Variants in PLXDC2 observed in about 807,000 individuals in gnomAD.
PLXDC2 encodes the protein plexin domain-containing protein 2.
In PLXDC2, 40 loss-of-function variants were observed where a neutral mutation model predicts 68.9. That is an observed-to-expected ratio of 0.58 (90% CI 0.45 to 0.76). The LOEUF (loss-of-function observed/expected upper bound fraction) is 0.76. Among genes scored for constraint, PLXDC2 ranks in the 30% least tolerant of loss-of-function variants. PLXDC2 has a pLI of 0.00. For missense variants in PLXDC2, 644 were observed against 661.9 expected, an observed-to-expected ratio of 0.97 and a Z score of 0.30; for synonymous variants, 243 against 234.2, an observed-to-expected ratio of 1.04 and a Z score of -0.34.
In PLXDC2 at chr10:20,284,330, T is replaced by TATATATATATATATATATATATATACAC. The variant is rs1484131963; in HGVS notation, c.*4512_*4513insTATATATATATATATATATATATACACA. 520 of 125,820 alleles carry TATATATATATATATATATATATATACAC rather than the reference T, an allele frequency of 4.1e-3. 1 individual carries two copies. The highest frequency in any genetic ancestry group is 6.5e-3 in the Non-Finnish European group (387 of 59,230). 7.8% of individuals were successfully genotyped at this position (125,820 alleles called of 1,614,324 possible). On this transcript the variant is annotated 3_prime_UTR_variant, in exon 14 of 14. Transcript: ENST00000377252. ...AAATATACATATATATATATATATA[T>TATATATATATATATATATATATATACAC]ACACACACACACACACACACACAAA...
chr10:20,066,793 A>G (rs1214296586), intron 3 of PLXDC2, among the ~76,000 whole-genome samples: 1 of 152,336 alleles, frequency 6.6e-6, no homozygotes, highest in South Asian at 2.1e-4. Flanking sequence ...CAAAATGGGA[A>G]AAAGCTAAAT....
intron 10 of PLXDC2, 65 bp downstream of exon 10, chr10:20,211,794 T>G (rs1396342000): frequency 1.2e-5 from 17 of 1,449,034 alleles, no homozygotes; most frequent in Non-Finnish European, 1.6e-5. Flanking sequence ...TTTTAACTGT[T>G]AATAATTTTT....
At chr10:19,899,466 A>G (rs73601633) in intron 1 of PLXDC2, among the ~76,000 whole-genome samples, 13,122 of 152,244 alleles carry the variant, frequency 0.086, 648 homozygotes, top group Non-Finnish European at 0.12. Flanking sequence ...TTAAGACATC[A>G]TTTCTACAAA....
At chr10:20,103,301 T>G (rs772260790) in intron 4 of PLXDC2, among the ~76,000 whole-genome samples, 1 of 152,164 alleles carries the variant, frequency 6.6e-6, no homozygotes, top group East Asian at 1.9e-4. Flanking sequence ...TCATATAATT[T>G]TTAATACTGT....
intron 3 of PLXDC2, among the ~76,000 whole-genome samples, chr10:20,060,218 G>A (rs375368686): frequency 2.6e-5 from 4 of 151,882 alleles, no homozygotes; most frequent in African/African-American, 7.3e-5. Flanking sequence ...TGTAGAGACA[G>A]GGTCTTGCTA....
chr10:20,073,055 A>G (rs532722888), intron 4 of PLXDC2, among the ~76,000 whole-genome samples: 4 of 152,332 alleles, frequency 2.6e-5, no homozygotes, highest in Non-Finnish European at 4.4e-5. Context: ...GCCATTCTAA[A>G]TAGACCTGGG....
chr10:19,996,882 T>C (rs1235926326), intron 1 of PLXDC2, among the ~76,000 whole-genome samples: 2 of 152,078 alleles, frequency 1.3e-5, no homozygotes, highest in African/African-American at 4.8e-5. Flanking sequence ...TCAGATCTCA[T>C]GGGACTTATT....
intron 13 of PLXDC2, 31 bp downstream of exon 13, chr10:20,245,536 C>T (rs778208493): frequency 1.1e-4 from 180 of 1,591,514 alleles, no homozygotes; most frequent in Admixed American, 2.4e-4. Flanking sequence ...ATGAAAACCA[C>T]GCCAGTTGAT....
rs11011934 is a variant in PLXDC2, at chr10:20,289,721, T to A, written c.*9902T>A. On this transcript the variant is annotated 3_prime_UTR_variant, in exon 14 of 14. Transcript: ENST00000377252. ...TGACTGGAGCTGTCGGGAATTCCTGTCAGTGGCATTCCCTGAGCACTGGCT... is the reference window on the plus strand; with the variant it reads ...TGACTGGAGCTGTCGGGAATTCCTGACAGTGGCATTCCCTGAGCACTGGCT... 6.6e-6 allele frequency: 1 copy of A among 152,386 alleles called. No homozygotes were observed. Among genetic ancestry groups the A allele is most frequent in the East Asian group, 1.9e-4 (1 of 5,186 alleles). The allele number at this position is 152,386 out of a possible 1,614,324, so 9.4% of individuals were successfully genotyped here.
At chr10:19,909,324 C>G (rs1048157150) in intron 1 of PLXDC2, among the ~76,000 whole-genome samples, 1 of 152,166 alleles carries the variant, frequency 6.6e-6, no homozygotes, top group Non-Finnish European at 1.5e-5. Context: ...CTAGCCCAAA[C>G]TAGACTTTAT....
intron 9 of PLXDC2, among the ~76,000 whole-genome samples, chr10:20,188,135 A>T (rs1379530716): frequency 2.0e-5 from 3 of 151,632 alleles, no homozygotes; most frequent in African/African-American, 4.8e-5. Flanking sequence ...TATATACTAA[A>T]TATGTGTTAT....
In PLXDC2 at chr10:19,816,980, A is replaced by G; in HGVS notation, c.-100A>G. The G allele has an allele frequency of 1.2e-6, 1 of 835,288 alleles. No homozygotes were observed. The highest frequency in any genetic ancestry group is 1.9e-6 in the Non-Finnish European group (1 of 523,742). The allele number at this position is 835,288 out of a possible 1,614,324, so 51.7% of individuals were successfully genotyped here. ...ACAAAGGCCTCCGGGTCCTACCGAG[A>G]CCGATCCGCAGCGTTTGGCCCGGTC... On this transcript the variant is annotated 5_prime_UTR_variant, in exon 1 of 14. Coordinates refer to ENST00000377252, the MANE Select transcript of PLXDC2 (RefSeq NM_032812.9).
chr10:20,265,245 G>A lies in PLXDC2; in HGVS notation c.1474-14458G>A, dbSNP rs184246336. Among the ~76,000 whole-genome samples, 24 of 152,244 alleles carry A rather than the reference G, an allele frequency of 1.6e-4. 1 individual carries two copies. The highest frequency in any genetic ancestry group is 1.5e-3 in the Admixed American group (23 of 15,274). On this transcript the variant is annotated intron_variant, in intron 13 of 13. Transcript: ENST00000377252. ...TGAGTTCTTCCTGAAAACTCTTTCC[G>A]AGATGAGCTTCAGATAAACAAAATG... is the stretch of plus-strand genomic sequence containing the variant.
chr10:20,069,311 CT>C (rs766942592), intron 4 of PLXDC2, among the ~76,000 whole-genome samples: 12 of 152,098 alleles, frequency 7.9e-5, no homozygotes, highest in Admixed American at 2.0e-4. Context: ...AGGTGTGTAG[CT>C]TAGTGGAATA....
At chr10:19,986,324 G>C (rs1391983825) in intron 1 of PLXDC2, among the ~76,000 whole-genome samples, 1 of 151,824 alleles carries the variant, frequency 6.6e-6, no homozygotes, top group Non-Finnish European at 1.5e-5. Context: ...CTTAGAAACT[G>C]GAATTTACAT....
chr10:20,050,891 GC>G (rs1175020632), intron 3 of PLXDC2, among the ~76,000 whole-genome samples: 3 of 151,994 alleles, frequency 2.0e-5, no homozygotes, highest in African/African-American at 7.2e-5. Context: ...TGGGTATATA[GC>G]CAGAAGAATA....
chr10:20,059,437 T>C (rs960750797), intron 3 of PLXDC2, among the ~76,000 whole-genome samples: 5 of 152,218 alleles, frequency 3.3e-5, no homozygotes, highest in African/African-American at 1.2e-4. Context: ...CGCAAGTTCA[T>C]GTGCACCACC....
rs537298769 is a variant in PLXDC2, at chr10:20,278,298, T to G, written c.1474-1405T>G. On this transcript the variant is annotated intron_variant, in intron 13 of 13. Transcript: ENST00000377252. ...TGGAGAAGCTCAGCTGTGAAGTCAC[T>G]AAAACCAGAGTTGGGGCTATAAGTA... 6.6e-5 allele frequency among the ~76,000 whole-genome samples: 10 copies of G among 152,306 alleles called. No individual in the cohort carries two copies. In the East Asian group the frequency reaches 1.7e-3, roughly 26 times the overall value.
In PLXDC2 at chr10:20,282,953, A is replaced by G. The variant is rs1009468194; in HGVS notation, c.*3134A>G. 6.6e-6 allele frequency: 1 copy of G among 152,210 alleles called. No individual in the cohort carries two copies. Among genetic ancestry groups the G allele is most frequent in the Non-Finnish European group, 1.5e-5 (1 of 68,032 alleles). The allele number at this position is 152,210 out of a possible 1,614,324, so 9.4% of individuals were successfully genotyped here. The stretch of plus-strand genomic sequence containing the variant: ...GCTTTTGAAATTAAAATTAATTAAA[A>G]TTAAATTAAAAATGTAATTCTTCAG... On this transcript the variant is annotated 3_prime_UTR_variant, in exon 14 of 14. Coordinates refer to ENST00000377252, the MANE Select transcript of PLXDC2 (RefSeq NM_032812.9).
Sources: allele counts gnomAD v4.1 joint callset (sites outside exome capture counted in the v4.1 genomes callset), GRCh38; gene constraint gnomAD v4.1.1; transcripts MANE v1.5; gene names NCBI Gene and HGNC (gene_info 2026-07-23, HGNC 2026-07-21).